Variants in DDC observed in about 807,000 individuals in gnomAD.
DDC encodes aromatic-L-amino-acid decarboxylase.
In DDC, 43 loss-of-function variants were observed where a neutral mutation model predicts 60.0. That is an observed-to-expected ratio of 0.72 (90% confidence interval 0.56 to 0.92). The LOEUF is 0.92. Ranked by LOEUF, DDC falls within the 40% of genes least tolerant of loss-of-function variation. The pLI, the probability that DDC is intolerant of heterozygous loss-of-function variation, is 0.00. For synonymous variants in DDC, 232 were observed against 234.6 expected (o/e 0.99, Z 0.10); for missense variants, 573 against 620.2 (o/e 0.92, Z 0.81).
intron 3 of DDC, 38 bp from the exon 4 acceptor site, chr7:50,538,017 G>C: frequency 1.2e-6 from 2 of 1,614,022 alleles, no homozygotes; most frequent in South Asian, 1.1e-5. Context: ...CCGAGGGCCA[G>C]GCATTGCAGA....
intron 9 of DDC, among the ~76,000 whole-genome samples, chr7:50,491,912 T>C (rs568834285): frequency 2.0e-5 from 3 of 152,330 alleles, no homozygotes; most frequent in South Asian, 4.1e-4. Context: ...TGTGATTCCA[T>C]GTTTATTCTT....
intron 6 of DDC, among the ~76,000 whole-genome samples, chr7:50,524,060 A>C (rs115539392): frequency 0.013 from 1,932 of 152,316 alleles, 36 homozygotes; most frequent in African/African-American, 0.045. Flanking sequence ...AGTCAATCTG[A>C]AAAGGCTACA....
chr7:50,513,251 G>T (rs775473636), intron 6 of DDC, among the ~76,000 whole-genome samples: 1 of 152,178 alleles, frequency 6.6e-6, no homozygotes, highest in African/African-American at 2.4e-5. Flanking sequence ...AGAAGTTTCC[G>T]ACTTTACCTG....
chr7:50,552,176 T>G (rs1018482293), intron 1 of DDC, among the ~76,000 whole-genome samples: 7 of 152,252 alleles, frequency 4.6e-5, no homozygotes, highest in Admixed American at 3.3e-4. Flanking sequence ...TTTAGAAGGC[T>G]CTTAGCATGA....
chr7:50,547,218 T>G (rs1030237191), intron 1 of DDC, among the ~76,000 whole-genome samples: 24 of 149,208 alleles, frequency 1.6e-4, no homozygotes, highest in East Asian at 5.9e-4. Flanking sequence ...CTTTTTTTTT[T>G]GTTTTTTTTT....
chr7:50,495,158 G>A (rs1187033110), intron 9 of DDC, among the ~76,000 whole-genome samples, 192 bp downstream of exon 9: 2 of 152,152 alleles, frequency 1.3e-5, no homozygotes, highest in Admixed American at 6.5e-5. Flanking sequence ...CCAGTATGTT[G>A]CAATGATATT....
intron 14 of DDC, among the ~76,000 whole-genome samples, chr7:50,462,806 T>A (rs1412630354): frequency 7.0e-6 from 1 of 142,358 alleles, no homozygotes; most frequent in African/African-American, 2.7e-5. Flanking sequence ...AGTCCTGCAT[T>A]ATCGCCAGGC....
Position 50,529,313 on chromosome 7 carries a change from G to C in DDC, c.465C>G (p.Ala155=). The C allele has an allele frequency of 6.2e-7, 1 of 1,614,192 alleles. No homozygotes were observed. Among genetic ancestry groups the C allele is most frequent in the Non-Finnish European group, 8.5e-7 (1 of 1,180,052 alleles). ...QGSASEATLV[A]LLAARTKVIH... is the part of the protein sequence containing the mutation. ...TCACTTTGGTCCGAGCGGCCAGCAG[G>C]GCCACCAGGGTGGCTTCACTGGCAC... Residue 155 remains alanine, a synonymous_variant, in exon 5 of 15, where the codon GCC becomes GCG. Transcript: ENST00000444124.
intron 14 of DDC, among the ~76,000 whole-genome samples, 153 bp from the exon 15 acceptor site, chr7:50,458,996 A>C: frequency 7.3e-6 from 1 of 136,702 alleles, no homozygotes; most frequent in African/African-American, 2.8e-5. Flanking sequence ...ACGGTCTCCC[A>C]CTGATGCCCA....
intron 10 of DDC, 123 bp downstream of exon 10, chr7:50,479,664 C>G: frequency 1.1e-6 from 1 of 893,750 alleles, no homozygotes; most frequent in South Asian, 1.3e-5. Flanking sequence ...CACAGCACCC[C>G]GTCTTCTCTG....
chr7:50,544,504 A>G (rs3779074), intron 1 of DDC, among the ~76,000 whole-genome samples: 94,079 of 151,952 alleles, frequency 0.62, 29,476 homozygotes, highest in Admixed American at 0.72. Context: ...TCCTCATCTG[A>G]GAAATGAAGA....
intron 9 of DDC, among the ~76,000 whole-genome samples, chr7:50,491,808 T>A (rs6964313): frequency 1 from 152,217 of 152,248 alleles, 76,093 homozygotes; most frequent in Middle Eastern, 1. Flanking sequence ...ATGTGACCAT[T>A]CCCTCCCTCT....
intron 9 of DDC, among the ~76,000 whole-genome samples, chr7:50,481,812 A>G (rs189164240): frequency 1.8e-4 from 27 of 152,298 alleles, no homozygotes; most frequent in African/African-American, 6.5e-4. Context: ...CATAAACTTA[A>G]GATGTATTAT....
chr7:50,547,214 T>C (rs1364359151), intron 1 of DDC, among the ~76,000 whole-genome samples: 2 of 151,964 alleles, frequency 1.3e-5, no homozygotes, highest in Non-Finnish European at 2.9e-5. Context: ...TTTTCTTTTT[T>C]TTTTGTTTTT....
chr7:50,538,685 G>A (rs1284832888), intron 3 of DDC, among the ~76,000 whole-genome samples: 2 of 152,236 alleles, frequency 1.3e-5, no homozygotes, highest in Non-Finnish European at 2.9e-5. Flanking sequence ...CGCAGCCTGA[G>A]AGATAGTGAG....
At chr7:50,477,918 G>A (rs1341240148) in intron 10 of DDC, among the ~76,000 whole-genome samples, 2 of 152,006 alleles carry the variant, frequency 1.3e-5, no homozygotes, top group African/African-American at 2.4e-5. Context: ...AGAAATTGTC[G>A]ACGCCAGGCG....
At chr7:50,492,324 T>C (rs2043014017) in intron 9 of DDC, among the ~76,000 whole-genome samples, 1 of 152,238 alleles carries the variant, frequency 6.6e-6, no homozygotes, top group Non-Finnish European at 1.5e-5. Flanking sequence ...AGATTTCATC[T>C]ATCAACATTC....
At chr7:50,539,840 G>A in intron 3 of DDC, 75 bp downstream of exon 3, 1 of 1,098,212 alleles carries the variant, frequency 9.1e-7, no homozygotes, top group Non-Finnish European at 1.4e-6. Flanking sequence ...GGTCCCTTGT[G>A]CATAGGTACC....
intron 6 of DDC, among the ~76,000 whole-genome samples, chr7:50,525,529 C>T (rs1016406573): frequency 3.8e-4 from 58 of 152,138 alleles, no homozygotes; most frequent in African/African-American, 1.3e-3. Flanking sequence ...TTTGGAAGGC[C>T]GAGGCAGGCA....
Sources: allele counts gnomAD v4.1 joint callset (sites outside exome capture counted in the v4.1 genomes callset), GRCh38; gene constraint gnomAD v4.1.1; transcripts MANE v1.5; gene names NCBI Gene and HGNC (gene_info 2026-07-23, HGNC 2026-07-21).